Variants in CPNE4 observed in about 807,000 individuals in gnomAD.
CPNE4 encodes the protein copine-4.
Under a neutral mutation model 67.9 loss-of-function variants are expected in CPNE4, and 25 were observed. The observed-to-expected ratio is 0.37, with a 90% CI of 0.27 to 0.51. The LOEUF is 0.51. Ranked by LOEUF, CPNE4 falls within the 20% of genes least tolerant of loss-of-function variation. The pLI is 0.93. For synonymous variants in CPNE4, 242 were observed against 244.9 expected (o/e 0.99, Z 0.11); for missense variants, 464 against 690.8 (o/e 0.67, Z 3.68).
intron 2 of CPNE4, among the ~76,000 whole-genome samples, chr3:131,751,457 AGTT>A (rs1234916026): frequency 3.3e-5 from 5 of 151,802 alleles, no homozygotes; most frequent in Non-Finnish European, 4.4e-5. Context: ...TTTTAATACC[AGTT>A]GTTGTATACT....
chr3:131,966,774 G>C (rs546731437), intron 1 of CPNE4, among the ~76,000 whole-genome samples: 1 of 152,276 alleles, frequency 6.6e-6, no homozygotes, highest in African/African-American at 2.4e-5. Flanking sequence ...AGACCAGACA[G>C]ATTCACAGCT....
chr3:131,826,567 T>A (rs2085167736), intron 2 of CPNE4, among the ~76,000 whole-genome samples: 2 of 150,228 alleles, frequency 1.3e-5, no homozygotes, highest in Non-Finnish European at 2.9e-5. Context: ...AAGTTGTTTT[T>A]TTGTTTGTTT....
intron 1 of CPNE4, among the ~76,000 whole-genome samples, chr3:131,909,355 G>T (rs2088891573): frequency 6.6e-6 from 1 of 152,046 alleles, no homozygotes; most frequent in Non-Finnish European, 1.5e-5. Flanking sequence ...CCCTCTCTTG[G>T]TCCATATAAA....
chr3:131,920,468 T>C (rs2070709987), intron 1 of CPNE4, among the ~76,000 whole-genome samples: 1 of 152,146 alleles, frequency 6.6e-6, no homozygotes, highest in Admixed American at 6.6e-5. Flanking sequence ...TGCAAAGTCC[T>C]AGTGGCTAAG....
At chr3:131,698,340 A>C (rs2081209408) in intron 4 of CPNE4, among the ~76,000 whole-genome samples, 2 of 151,610 alleles carry the variant, frequency 1.3e-5, no homozygotes, top group Non-Finnish European at 2.9e-5. Context: ...GCAAGATGAG[A>C]TTTTGTTCTT....
chr3:131,654,174 A>G (rs2079888715), intron 7 of CPNE4, among the ~76,000 whole-genome samples: 1 of 152,110 alleles, frequency 6.6e-6, no homozygotes, highest in Admixed American at 6.5e-5. Context: ...TAGTTTTGCC[A>G]CTGTGGTCCC....
At chr3:131,915,442 C>T (rs190442543) in intron 1 of CPNE4, among the ~76,000 whole-genome samples, 117 of 152,246 alleles carry the variant, frequency 7.7e-4, no homozygotes, top group Admixed American at 2.8e-3. Flanking sequence ...AACTTAAGGT[C>T]CCTCCTCTGA....
At chr3:131,735,001 C>A (rs1438915543) in intron 2 of CPNE4, among the ~76,000 whole-genome samples, 1 of 152,178 alleles carries the variant, frequency 6.6e-6, no homozygotes, top group Non-Finnish European at 1.5e-5. Context: ...CATCTCACCA[C>A]ACCAAACTGC....
At chr3:131,729,735 T>C (rs1386562925) in intron 2 of CPNE4, among the ~76,000 whole-genome samples, 1 of 152,226 alleles carries the variant, frequency 6.6e-6, no homozygotes, top group African/African-American at 2.4e-5. Flanking sequence ...GTGATATGTC[T>C]ACATACTGAG....
intron 2 of CPNE4, among the ~76,000 whole-genome samples, chr3:131,894,835 T>A (rs994217040): frequency 6.6e-6 from 1 of 151,966 alleles, no homozygotes; most frequent in Non-Finnish European, 1.5e-5. Flanking sequence ...AGAACTATTA[T>A]ATTATCCAGC....
At chr3:131,934,576 C>G (rs978671084) in intron 1 of CPNE4, among the ~76,000 whole-genome samples, 1 of 152,124 alleles carries the variant, frequency 6.6e-6, no homozygotes, top group South Asian at 2.1e-4. Context: ...CCCCCACCCC[C>G]TGACAGGCCC....
At chr3:132,005,986 C>T (rs2073592540) in intron 1 of CPNE4, among the ~76,000 whole-genome samples, 1 of 152,228 alleles carries the variant, frequency 6.6e-6, no homozygotes, top group East Asian at 1.9e-4. Context: ...GCTTCAACAT[C>T]ATCAGCTGTC....
intron 2 of CPNE4, among the ~76,000 whole-genome samples, chr3:131,890,404 T>G (rs1024451662): frequency 6.6e-6 from 1 of 151,262 alleles, no homozygotes; most frequent in Non-Finnish European, 1.5e-5. Context: ...CTCACTCCTG[T>G]AAGCATAGGC....
At chr3:131,811,504 A>C (rs966333001) in intron 2 of CPNE4, among the ~76,000 whole-genome samples, 4 of 152,168 alleles carry the variant, frequency 2.6e-5, no homozygotes, top group African/African-American at 9.6e-5. Flanking sequence ...TGCATCCAGC[A>C]GAAAAGTCAC....
intron 1 of CPNE4, among the ~76,000 whole-genome samples, chr3:131,975,415 G>T (rs2072621845): frequency 1.3e-5 from 2 of 152,298 alleles, no homozygotes; most frequent in Admixed American, 1.3e-4. Flanking sequence ...CTTCTACTTT[G>T]GGAATGGGGA....
At chr3:131,620,327 A>C (rs1187062279) in intron 7 of CPNE4, 2 of 260,394 alleles carry the variant, frequency 7.7e-6, no homozygotes, top group Non-Finnish European at 1.2e-5. Context: ...AGTTTCTTGG[A>C]GCAAGAAGTG....
chr3:131,830,104 A>G (rs1168312482), intron 2 of CPNE4, among the ~76,000 whole-genome samples: 4 of 152,196 alleles, frequency 2.6e-5, no homozygotes, highest in South Asian at 2.1e-4. Context: ...TGGATGCCCA[A>G]CAGCCAAATA....
intron 2 of CPNE4, among the ~76,000 whole-genome samples, chr3:131,795,630 G>A (rs2083899109): frequency 6.6e-6 from 1 of 152,120 alleles, no homozygotes; most frequent in African/African-American, 2.4e-5. Flanking sequence ...AGTGGTTCTG[G>A]CCAGTCTATG....
chr3:131,767,590 G>A (rs184743666), intron 2 of CPNE4, among the ~76,000 whole-genome samples: 5 of 151,956 alleles, frequency 3.3e-5, no homozygotes, highest in South Asian at 4.2e-4. Flanking sequence ...CACTGTTCAT[G>A]CTTCATCATA....
Sources: gnomAD v4.1 joint callset for allele counts (sites outside exome capture counted in the v4.1 genomes callset) on GRCh38, gnomAD v4.1.1 for gene constraint, MANE v1.5 for transcripts, NCBI Gene and HGNC (gene_info 2026-07-23, HGNC 2026-07-21) for gene names.